WDPCP: variants seen among roughly 807,000 people sequenced by gnomAD.
WDPCP encodes the protein WD repeat-containing and planar cell polarity effector protein fritz homolog.
In WDPCP, 71 loss-of-function variants were observed where a neutral mutation model predicts 93.1. The observed-to-expected ratio is 0.76, with a 90% CI of 0.63 to 0.93. The LOEUF (loss-of-function observed/expected upper bound fraction) is 0.93. Ranked by LOEUF, WDPCP falls within the 40% of genes least tolerant of loss-of-function variation. WDPCP has a pLI of 0.00. For missense variants in WDPCP, 844 were observed against 887.4 expected (o/e 0.95, Z 0.62); for synonymous variants, 315 against 315.0 (o/e 1.00, Z 0.00).
intron 2 of WDPCP, among the ~76,000 whole-genome samples, chr2:63,795,608 AAGAAAGAAAG>A (rs1188509054): frequency 2.0e-5 from 3 of 152,084 alleles, no homozygotes; most frequent in African/African-American, 7.2e-5. Flanking sequence ...AAAGAAAAGA[AAGAAAGAAAG>A]AGAAAGAAAG....
At chr2:63,591,577 G>C (rs1276427360), upstream of WDPCP, among the ~76,000 whole-genome samples, 1 of 152,198 alleles carries the variant, frequency 6.6e-6, no homozygotes, top group Non-Finnish European at 1.5e-5. Context: ...TTAATAGATA[G>C]TGATCTTCAC....
intron 14 of WDPCP, among the ~76,000 whole-genome samples, chr2:63,253,848 ACTAT>A (rs1680928827): frequency 6.6e-6 from 1 of 152,188 alleles, no homozygotes; most frequent in Non-Finnish European, 1.5e-5. Flanking sequence ...AAAACTGAGA[ACTAT>A]CATTCAACCC....
intron 1 of WDPCP, among the ~76,000 whole-genome samples, chr2:63,552,653 C>T (rs1001945529): frequency 3.3e-5 from 5 of 152,014 alleles, no homozygotes; most frequent in Admixed American, 1.3e-4. Context: ...GACACAGATA[C>T]AAACAGCAGA....
chr2:63,559,259 T>C (rs1348711769), intron 1 of WDPCP, among the ~76,000 whole-genome samples: 1 of 152,136 alleles, frequency 6.6e-6, no homozygotes, highest in Non-Finnish European at 1.5e-5. Context: ...ATAAACTAGG[T>C]ATTGATGGAA....
rs143266261 is a variant in WDPCP at position 63,397,037 on chromosome 2, A to G, written c.1435+7011T>C. 4.6e-5 allele frequency among the ~76,000 whole-genome samples: 7 copies of G among 152,312 alleles called. No homozygotes were observed. The South Asian group carries it at 8.3e-4, about 18-fold the overall frequency. ...CCATGACCAAATCTGTACTGTTAGAAGGATCACTAGGATAGCACTCAGGGG... is the reference window on the plus strand; with the variant it reads ...CCATGACCAAATCTGTACTGTTAGAGGGATCACTAGGATAGCACTCAGGGG... On this transcript the variant is annotated intron_variant, in intron 10 of 17. Coordinates refer to ENST00000272321, the MANE Select transcript of WDPCP (RefSeq NM_015910.7).
chr2:63,808,939 G>A (rs528834484), intron 2 of WDPCP, among the ~76,000 whole-genome samples: 1 of 151,950 alleles, frequency 6.6e-6, no homozygotes, highest in African/African-American at 2.4e-5. Flanking sequence ...GAAGTGAGGA[G>A]TGTCTCTGCC....
At chr2:63,717,585 C>A in intron 2 of WDPCP, 1 of 524,786 alleles carries the variant, frequency 1.9e-6, no homozygotes. Flanking sequence ...CATGGTATAC[C>A]TGTCAGTGAG....
chr2:63,178,279 G>T (rs938596086), intron 14 of WDPCP, among the ~76,000 whole-genome samples: 1 of 152,120 alleles, frequency 6.6e-6, no homozygotes, highest in Non-Finnish European at 1.5e-5. Flanking sequence ...AGTTTGAGGA[G>T]AATGGGTGCT....
chr2:63,200,818 T>C (rs1424561850), intron 14 of WDPCP, among the ~76,000 whole-genome samples: 1 of 152,030 alleles, frequency 6.6e-6, no homozygotes. Context: ...TATAATTGGA[T>C]TGTATGTAAG....
chr2:63,467,869 A>G (rs1699448811), intron 6 of WDPCP, among the ~76,000 whole-genome samples: 1 of 152,058 alleles, frequency 6.6e-6, no homozygotes, highest in Non-Finnish European at 1.5e-5. Context: ...AAGATTCCTC[A>G]GGTACAATGT....
upstream of WDPCP, chr2:63,589,312 A>G: frequency 1.9e-6 from 3 of 1,550,748 alleles, no homozygotes; most frequent in East Asian, 2.4e-5. Flanking sequence ...ATCCTGCTGC[A>G]TGACGGGAGG....
chr2:63,202,066 T>C (rs1452978448), intron 14 of WDPCP, among the ~76,000 whole-genome samples: 1 of 151,934 alleles, frequency 6.6e-6, no homozygotes, highest in Admixed American at 6.6e-5. Flanking sequence ...AGGACTGCTC[T>C]ATTTCACAGC....
intron 6 of WDPCP, among the ~76,000 whole-genome samples, chr2:63,450,972 T>C (rs992273828): frequency 2.6e-5 from 4 of 151,934 alleles, no homozygotes; most frequent in Non-Finnish European, 4.4e-5. Context: ...CAAAGAAATA[T>C]AATAATCCCC....
chr2:63,320,954 C>T (rs1235471740), intron 12 of WDPCP, among the ~76,000 whole-genome samples: 1 of 151,898 alleles, frequency 6.6e-6, no homozygotes, highest in East Asian at 1.9e-4. Flanking sequence ...AATATACAAA[C>T]ACAGATAGTT....
chr2:63,329,067 T>G (rs1687782213), intron 12 of WDPCP, among the ~76,000 whole-genome samples: 1 of 152,238 alleles, frequency 6.6e-6, no homozygotes, highest in Non-Finnish European at 1.5e-5. Flanking sequence ...AGATGTACCC[T>G]ATTAGCAAAT....
intron 2 of WDPCP, among the ~76,000 whole-genome samples, chr2:63,703,918 C>T (rs1669104961): frequency 1.3e-5 from 2 of 152,124 alleles, no homozygotes; most frequent in Admixed American, 1.3e-4. Context: ...GATATTGATT[C>T]TTCCTACCCA....
intron 6 of WDPCP, among the ~76,000 whole-genome samples, chr2:63,463,928 G>C (rs896346788): frequency 6.6e-6 from 1 of 152,130 alleles, no homozygotes; most frequent in East Asian, 1.9e-4. Flanking sequence ...CAGAAGAAAA[G>C]AGAGGAAAAG....
chr2:63,734,508 TAA>T (rs1044047269), intron 2 of WDPCP, among the ~76,000 whole-genome samples: 3 of 152,190 alleles, frequency 2.0e-5, no homozygotes, highest in Non-Finnish European at 4.4e-5. Context: ...ATTAATTAAT[TAA>T]AAGGCCATGA....
intron 12 of WDPCP, among the ~76,000 whole-genome samples, chr2:63,315,148 A>G (rs1470133515): frequency 2.0e-5 from 3 of 152,194 alleles, no homozygotes; most frequent in Non-Finnish European, 4.4e-5. Context: ...TAAAAAAATA[A>G]CCAATTAAAC....
Sources: allele counts gnomAD v4.1 joint callset (sites outside exome capture counted in the v4.1 genomes callset), GRCh38; gene constraint gnomAD v4.1.1; transcripts MANE v1.5; gene names NCBI Gene and HGNC (gene_info 2026-07-23, HGNC 2026-07-21).